Variants in SUN5 observed in about 807,000 individuals in gnomAD.
SUN5 encodes the protein Sad1 and UNC84 domain containing 5.
Under a neutral mutation model 53.7 loss-of-function variants are expected in SUN5, and 44 were observed. The observed-to-expected ratio is 0.82, with a 90% CI of 0.64 to 1.05. The LOEUF is 1.05. Ranked by LOEUF, SUN5 falls within the 50% of genes least tolerant of loss-of-function variation. The pLI, the probability that SUN5 is intolerant of heterozygous loss-of-function variation, is 0.00. For synonymous variants in SUN5, 166 were observed against 179.8 expected (o/e 0.92, Z 0.62); for missense variants, 433 against 483.8 (o/e 0.90, Z 0.98).
chr20:33,001,157 C>G, intron 4 of SUN5, 55 bp downstream of exon 4: 18 of 1,539,462 alleles, frequency 1.2e-5, no homozygotes, highest in Non-Finnish European at 1.5e-5. Context: ...CTGTTATGGT[C>G]CCCAGCTGCC....
At chr20:33,000,919 A>G (rs1209424626) in intron 4 of SUN5, among the ~76,000 whole-genome samples, 4 of 151,380 alleles carry the variant, frequency 2.6e-5, no homozygotes, top group Non-Finnish European at 5.9e-5. Context: ...TGGTGTGCCC[A>G]GGGAGTGAGA....
At position 32,993,808 on chromosome 20, in the gene SUN5, T is replaced by C. The variant is rs552102735; in HGVS notation, c.534+1811A>G. The stretch of plus-strand genomic sequence containing the variant: ...ATTCAGAAGGTCTGAGTGAGGCCTA[T>C]TAATTCGAATTGTTAACATTTTCCC... On this transcript the variant is annotated intron_variant, in intron 8 of 12. Transcript: ENST00000356173. 4.6e-5 allele frequency among the ~76,000 whole-genome samples: 7 copies of C among 152,198 alleles called. No individual in the cohort carries two copies. In the East Asian group the frequency reaches 1.3e-3, roughly 29 times the overall value.
At chr20:33,004,129 C>T in intron 1 of SUN5, 135 bp downstream of exon 1, 1 of 977,904 alleles carries the variant, frequency 1.0e-6, no homozygotes, top group Non-Finnish European at 1.4e-6. Context: ...AATACCACTG[C>T]CAAACCTCTC....
intron 8 of SUN5, among the ~76,000 whole-genome samples, chr20:32,990,883 C>G (rs1024642283): frequency 2.6e-5 from 4 of 152,182 alleles, no homozygotes; most frequent in Admixed American, 2.0e-4. Flanking sequence ...TGTTTCACAC[C>G]CCTAAGTTTT....
intron 5 of SUN5, 64 bp downstream of exon 5, chr20:33,000,010 C>T (rs1445970476): frequency 3.8e-6 from 6 of 1,574,976 alleles, no homozygotes; most frequent in Non-Finnish European, 4.3e-6. Context: ...GCCCAGTGTC[C>T]TATAATCAGT....
chr20:32,985,641 G>C (rs1989516071), intron 11 of SUN5, 95 bp downstream of exon 11: 1 of 1,455,086 alleles, frequency 6.9e-7, no homozygotes, highest in East Asian at 2.3e-5. Context: ...CAGCCTGCAA[G>C]TGTTGTGCAG....
chr20:32,991,983 G>C (rs1176887489), intron 8 of SUN5, among the ~76,000 whole-genome samples: 1 of 152,152 alleles, frequency 6.6e-6, no homozygotes, highest in Non-Finnish European at 1.5e-5. Flanking sequence ...CCCAGTTGAG[G>C]GGCCCTGTGT....
intron 5 of SUN5, among the ~76,000 whole-genome samples, chr20:32,998,412 G>T (rs1242564892): frequency 6.6e-6 from 1 of 152,020 alleles, no homozygotes; most frequent in Non-Finnish European, 1.5e-5. Flanking sequence ...AGGTTGCAGT[G>T]AGCCGAGATC....
chr20:32,987,863 G>A (rs1600490096), intron 9 of SUN5, 88 bp from the exon 10 acceptor site: 2 of 1,070,656 alleles, frequency 1.9e-6, no homozygotes, highest in East Asian at 5.1e-5. Flanking sequence ...TATGTGCCGG[G>A]CGAGCATTTT....
At position 32,997,621 on chromosome 20, in the gene SUN5, G is replaced by A. The variant is rs1408810032; in HGVS notation, c.390+17C>T. ...GAGACCTGTCAGCTGTGGGGCCTGA[G>A]GAGGGTGCACACTCACCTGCCAGAC... On this transcript the variant is annotated intron_variant, in intron 6 of 12. Coordinates refer to ENST00000356173, the MANE Select transcript of SUN5 (RefSeq NM_080675.4). 6.2e-7 allele frequency: 1 copy of A among 1,613,836 alleles called. No homozygotes were observed. Among genetic ancestry groups the A allele is most frequent in the Non-Finnish European group, 8.5e-7 (1 of 1,179,846 alleles).
Position 33,001,194 on chromosome 20 carries a change from C to A in SUN5, c.278+18G>T, listed in dbSNP as rs200492352. 6.4e-7 allele frequency: 1 copy of A among 1,563,526 alleles called. No individual in the cohort carries two copies. Among genetic ancestry groups the A allele is most frequent in the Non-Finnish European group, 8.7e-7 (1 of 1,152,132 alleles). On this transcript the variant is annotated intron_variant, in intron 4 of 12. Transcript: ENST00000356173. ...TTTCCCACTCCCCATCCACCCTCCC[C>A]CTGCCTTCCCTGCTCACCTGCACGT...
rs781340140 is a variant in SUN5, at chr20:33,000,123, C to T, written c.291G>A (p.Leu97=). The T allele has an allele frequency of 6.2e-7, 1 of 1,604,400 alleles. No homozygotes were observed. The highest frequency in any genetic ancestry group is 1.1e-5 in the South Asian group (1 of 88,096). Residue 97 remains leucine, a synonymous_variant, in exon 5 of 13, where the codon CTG becomes CTA. Coordinates refer to ENST00000356173, the MANE Select transcript of SUN5 (RefSeq NM_080675.4). ...VLFNTCRCKL[L]CQKLMEKTGI... ...CTGTCTTCTCCATGAGCTTCTGGCACAGCAGCTTGCATCTGGAAGGCAGGG... is the reference window on the plus strand; with the variant it reads ...CTGTCTTCTCCATGAGCTTCTGGCATAGCAGCTTGCATCTGGAAGGCAGGG...
In SUN5 at chr20:32,987,656, C is replaced by T; in HGVS notation, c.729+4G>A. 1 of 1,599,672 alleles carries T rather than the reference C, an allele frequency of 6.3e-7. No homozygotes were observed. Among genetic ancestry groups the T allele is most frequent in the Non-Finnish European group, 8.5e-7 (1 of 1,172,872 alleles). On this transcript the variant is annotated splice_donor_region_variant and intron_variant, in intron 10 of 12. Coordinates refer to ENST00000356173, the MANE Select transcript of SUN5 (RefSeq NM_080675.4). ...GCTGTCCCATCTCCCGCCATCCCCC[C>T]TGCCTCAAGGATCACGTCTGGGGGC...
intron 7 of SUN5, 122 bp from the exon 8 acceptor site, chr20:32,995,849 G>A: frequency 1.2e-6 from 1 of 840,868 alleles, no homozygotes; most frequent in East Asian, 2.4e-5. Flanking sequence ...AATCTCTTGG[G>A]CCCATCCCTG....
chr20:33,001,208 T>C lies in SUN5; in HGVS notation c.278+4A>G. 1 of 1,569,840 alleles carries C rather than the reference T, an allele frequency of 6.4e-7. No homozygotes were observed. The highest frequency in any genetic ancestry group is 8.7e-7 in the Non-Finnish European group (1 of 1,155,202). ...TCCACCCTCCCCCTGCCTTCCCTGC[T>C]CACCTGCACGTGTTAAACAGAACCT... On this transcript the variant is annotated splice_donor_region_variant and intron_variant, in intron 4 of 12. Transcript: ENST00000356173.
In SUN5 at chr20:33,002,862, C is replaced by T; in HGVS notation, c.135G>A (p.Met45Ile). Residue 45 changes from methionine (M) to isoleucine (I), a missense_variant and splice_region_variant, in exon 2 of 13, where the codon ATG (methionine) becomes ATA (isoleucine). By Grantham distance (10) the Met-to-Ile change is conservative. Transcript: ENST00000356173. ...ACCAGGGCACCTGTCCTTGCTCACT[C>T]ATGTTTGGGGAGGTGTCCTCTGCCA... Reference protein sequence around the residue: ...SRMAEDTSPNMNDNILLPVRN... With the variant: ...SRMAEDTSPNINDNILLPVRN... 6.2e-7 allele frequency: 1 copy of T among 1,614,114 alleles called. No homozygotes were observed. The highest frequency in any genetic ancestry group is 8.5e-7 in the Non-Finnish European group (1 of 1,180,052).
chr20:33,003,840 A>C (rs779173257), intron 1 of SUN5, among the ~76,000 whole-genome samples: 3 of 152,200 alleles, frequency 2.0e-5, no homozygotes, highest in Non-Finnish European at 2.9e-5. Flanking sequence ...ATATACACCC[A>C]GATTTGGGTG....
chr20:32,983,997 C>T (rs1375315101), intron 12 of SUN5, 48 bp from the exon 13 acceptor site: 1 of 1,464,458 alleles, frequency 6.8e-7, no homozygotes, highest in Non-Finnish European at 9.1e-7. Flanking sequence ...GACTCCCACC[C>T]TGCCTTTCCA....
At chr20:33,003,024 G>A in intron 1 of SUN5, 105 bp from the exon 2 acceptor site, 1 of 1,334,894 alleles carries the variant, frequency 7.5e-7, no homozygotes, top group Non-Finnish European at 1.0e-6. Flanking sequence ...GTACAGAGAA[G>A]GTTTCCCAAC....
Sources: gnomAD v4.1 joint callset for allele counts (sites outside exome capture counted in the v4.1 genomes callset) on GRCh38, gnomAD v4.1.1 for gene constraint, MANE v1.5 for transcripts, NCBI Gene and HGNC (gene_info 2026-07-23, HGNC 2026-07-21) for gene names.